Variants in EGFR observed in about 807,000 individuals in gnomAD.
EGFR encodes the protein avian erythroblastic leukemia viral (v-erb-b) oncogene homolog.
A neutral mutation model predicts 143.0 loss-of-function variants in EGFR; 58 were observed. The observed-to-expected ratio is 0.41, with a 90% CI of 0.33 to 0.50. The LOEUF is 0.50. Ranked by LOEUF, EGFR falls within the 20% of genes least tolerant of loss-of-function variation. EGFR has a pLI of 0.39. For missense variants in EGFR, 1,307 were observed against 1,579.0 expected (o/e 0.83, Z 2.92); for synonymous variants, 613 against 594.4 (o/e 1.03, Z -0.45).
chr7:55,047,456 G>A (rs924040211), intron 1 of EGFR, among the ~76,000 whole-genome samples: 1 of 152,184 alleles, frequency 6.6e-6, no homozygotes, highest in African/African-American at 2.4e-5. Context: ...GCTTTTAAAA[G>A]ATTAAAACTG....
chr7:55,198,404 T>A (rs546409944), intron 22 of EGFR, among the ~76,000 whole-genome samples: 1 of 152,352 alleles, frequency 6.6e-6, no homozygotes, highest in East Asian at 1.9e-4. Context: ...GTAGAGTTAC[T>A]GTTGTCTTTA....
At chr7:55,079,465 C>A (rs1036452479) in intron 1 of EGFR, among the ~76,000 whole-genome samples, 1 of 152,178 alleles carries the variant, frequency 6.6e-6, no homozygotes, top group Non-Finnish European at 1.5e-5. Flanking sequence ...CTCCCAAATA[C>A]GTGTTCTTTG....
intron 1 of EGFR, among the ~76,000 whole-genome samples, chr7:55,079,838 G>A (rs966934931): frequency 6.6e-6 from 1 of 152,180 alleles, no homozygotes; most frequent in African/African-American, 2.4e-5. Context: ...CTGAACACAC[G>A]TAGGCTCTTG....
At chr7:55,034,684 G>A (rs993024074) in intron 1 of EGFR, among the ~76,000 whole-genome samples, 1 of 152,158 alleles carries the variant, frequency 6.6e-6, no homozygotes, top group South Asian at 2.1e-4. Flanking sequence ...ACTTATCATT[G>A]TTCTCTAAGT....
At chr7:55,131,690 T>C (rs938075767) in intron 1 of EGFR, among the ~76,000 whole-genome samples, 14 of 152,208 alleles carry the variant, frequency 9.2e-5, no homozygotes, top group African/African-American at 3.1e-4. Flanking sequence ...CTGGCTGTCC[T>C]GCTCCTGTCA....
chr7:55,045,262 CTCTT>C lies in EGFR; in HGVS notation c.88+25899_88+25902del, dbSNP rs1451323267. Among the ~76,000 whole-genome samples the C allele has an allele frequency of 2.6e-5, 4 of 152,164 alleles. No individual in the cohort carries two copies. The East Asian group carries it at 5.8e-4, about 22-fold the overall frequency. On this transcript the variant is annotated intron_variant, in intron 1 of 27. Transcript: ENST00000275493. ...ATCATATATTATGAGTTATTGCTCT[CTCTT>C]TATGTCTGTAATGCAGTTGCTCCTC...
intron 20 of EGFR, among the ~76,000 whole-genome samples, chr7:55,191,421 G>A (rs1048077872): frequency 6.6e-6 from 1 of 151,910 alleles, no homozygotes; most frequent in Non-Finnish European, 1.5e-5. Context: ...AGTCCAGTAA[G>A]TTCAAGCCCA....
At chr7:55,130,849 C>T (rs1318895558) in intron 1 of EGFR, among the ~76,000 whole-genome samples, 1 of 152,230 alleles carries the variant, frequency 6.6e-6, no homozygotes, top group Non-Finnish European at 1.5e-5. Flanking sequence ...CCTTTCAAGC[C>T]GCAGACGCAT....
intron 1 of EGFR, among the ~76,000 whole-genome samples, chr7:55,020,955 T>A (rs1042983083): frequency 6.6e-6 from 1 of 151,402 alleles, no homozygotes. Flanking sequence ...TTAATTGGCA[T>A]GGGGCAAGAC....
chr7:55,116,842 A>AT (rs1792878530), intron 1 of EGFR, among the ~76,000 whole-genome samples: 1 of 152,244 alleles, frequency 6.6e-6, no homozygotes, highest in Admixed American at 6.5e-5. Context: ...TATTTCTTGC[A>AT]TTCCATAACT....
chr7:55,181,558 AG>A, intron 20 of EGFR, 80 bp downstream of exon 20: 1 of 1,563,838 alleles, frequency 6.4e-7, no homozygotes, highest in Non-Finnish European at 8.8e-7. Flanking sequence ...TGGGATAGCA[AG>A]AGTTTGCCAT....
At chr7:55,181,816 C>A (rs546895687) in intron 20 of EGFR, 1 of 378,090 alleles carries the variant, frequency 2.6e-6, no homozygotes, top group Non-Finnish European at 5.0e-6. Flanking sequence ...TATTGCTTCC[C>A]CCATTCAGGA....
At position 55,027,989 on chromosome 7, in the gene EGFR, AAAATATATATATATATATATAT is replaced by A. The variant is rs1454466875; in HGVS notation, c.88+8626_88+8647del. Reference sequence around the variant, plus strand: ...ATGCCTTTATGTAAAAAAAAAAAAAAAAATATATATATATATATATATATATATATATATATACACACACACA... The same window carrying A: ...ATGCCTTTATGTAAAAAAAAAAAAAAATATATATATATATACACACACACA... On this transcript the variant is annotated intron_variant, in intron 1 of 27. Coordinates refer to ENST00000275493, the MANE Select transcript of EGFR (RefSeq NM_005228.5). 2.3e-4 allele frequency among the ~76,000 whole-genome samples: 17 copies of A among 74,038 alleles called. 1 individual carries two copies. In the South Asian group the frequency reaches 4.3e-3, roughly 19 times the overall value. 48.6% of individuals were successfully genotyped at this position (74,038 alleles called of 152,430 possible). A position where few individuals can be genotyped will look rare whatever the true frequency, so the allele number is the denominator to read the frequency against.
rs1372558419 is a variant in EGFR at position 55,207,922 on chromosome 7, C to G, written c.*2305C>G. On this transcript the variant is annotated 3_prime_UTR_variant, in exon 28 of 28. Coordinates refer to ENST00000275493, the MANE Select transcript of EGFR (RefSeq NM_005228.5). ...TCAGGACATGCAGAAATATTTCAGT[C>G]AGAACTGGGAAACAGAAGGACCTAC... 6.6e-6 allele frequency: 1 copy of G among 152,200 alleles called. No individual in the cohort carries two copies. Among genetic ancestry groups the G allele is most frequent in the Non-Finnish European group, 1.5e-5 (1 of 68,036 alleles). 9.4% of individuals were successfully genotyped at this position (152,200 alleles called of 1,614,324 possible). A position where few individuals can be genotyped will look rare whatever the true frequency, so the allele number is the denominator to read the frequency against.
intron 1 of EGFR, among the ~76,000 whole-genome samples, chr7:55,040,041 C>T (rs953234262): frequency 5.3e-5 from 8 of 152,154 alleles, no homozygotes; most frequent in East Asian, 1.9e-4. Flanking sequence ...CAGAATTCCC[C>T]GCATGTGTCC....
rs935701323 is a variant in EGFR at position 55,190,149 on chromosome 7, C to T, written c.2470-1570C>T. Among the ~76,000 whole-genome samples the T allele has an allele frequency of 2.6e-5, 4 of 152,268 alleles. 1 individual carries two copies. Among genetic ancestry groups the T allele is most frequent in the Admixed American group, 2.6e-4 (4 of 15,310 alleles). On this transcript the variant is annotated intron_variant, in intron 20 of 27. Coordinates refer to ENST00000275493, the MANE Select transcript of EGFR (RefSeq NM_005228.5). ...GCCCCCCCTCTCCTCTCCCTTTCCA[C>T]CCACCATCCTGACATAATACTTCCT...
chr7:55,131,251 C>T (rs1449450701), intron 1 of EGFR, among the ~76,000 whole-genome samples: 3 of 151,906 alleles, frequency 2.0e-5, no homozygotes, highest in South Asian at 2.1e-4. Flanking sequence ...GTGGTTCTGT[C>T]GACTAAACTG....
intron 1 of EGFR, among the ~76,000 whole-genome samples, chr7:55,055,291 G>A (rs1788742232): frequency 6.6e-6 from 1 of 152,148 alleles, no homozygotes; most frequent in South Asian, 2.1e-4. Flanking sequence ...CTTGGTCCAA[G>A]AATTCTATTA....
chr7:55,174,103 G>A (rs1471256600), intron 18 of EGFR, 60 bp downstream of exon 18: 1 of 1,610,272 alleles, frequency 6.2e-7, no homozygotes, highest in African/African-American at 1.3e-5. Flanking sequence ...GTCTGGTGGG[G>A]AGCCCAGAGT....
Sources: gnomAD v4.1 joint callset for allele counts (sites outside exome capture counted in the v4.1 genomes callset) on GRCh38, gnomAD v4.1.1 for gene constraint, MANE v1.5 for transcripts, NCBI Gene and HGNC (gene_info 2026-07-23, HGNC 2026-07-21) for gene names.